The following EHMT1 variants were observed in gnomAD, a reference collection of about 807,000 sequenced individuals.
The protein encoded by EHMT1 is histone-lysine N-methyltransferase EHMT1.
EHMT1 carries 15 observed loss-of-function variants against 147.2 expected under a neutral mutation model. That is an observed-to-expected ratio of 0.10 (90% CI 0.07 to 0.16). The LOEUF (loss-of-function observed/expected upper bound fraction) is 0.16, where lower values mean the gene tolerates loss of function less well. Among genes scored for constraint, EHMT1 ranks in the 10% least tolerant of loss-of-function variants. The pLI, the probability that EHMT1 is intolerant of heterozygous loss-of-function variation, is 1.00. For missense variants in EHMT1, 1,587 were observed against 1,772.4 expected (o/e 0.90, Z 1.88); for synonymous variants, 795 against 709.6 (o/e 1.12, Z -1.91).
chr9:137,713,313 G>A (rs1351918145), intron 2 of EHMT1, among the ~76,000 whole-genome samples: 5 of 132,162 alleles, frequency 3.8e-5, no homozygotes, highest in Admixed American at 9.9e-5. Flanking sequence ...TCTGTCACCC[G>A]GGCTGGAGTG....
intron 16 of EHMT1, among the ~76,000 whole-genome samples, chr9:137,791,705 A>C (rs1042789933): frequency 1.3e-5 from 2 of 152,170 alleles, no homozygotes; most frequent in Non-Finnish European, 2.9e-5. Flanking sequence ...CAGCCTGTAG[A>C]GTCCATGGAG....
chr9:137,627,217 C>G (rs1247508032), intron 1 of EHMT1, among the ~76,000 whole-genome samples: 115 of 150,846 alleles, frequency 7.6e-4, no homozygotes, highest in Non-Finnish European at 3.7e-4. Context: ...CCTTGCCTCC[C>G]AAAGTGCTAG....
At position 137,813,018 on chromosome 9, in the gene EHMT1, T is replaced by A. The variant is rs1167671117; in HGVS notation, c.2880T>A (p.Ser960=). 2 of 1,614,114 alleles carry A rather than the reference T, an allele frequency of 1.2e-6. No homozygotes were observed. The highest frequency in any genetic ancestry group is 3.3e-5 in the Admixed American group (2 of 60,034). The change falls in exon 20 of 27, where the codon TCT becomes TCA. Residue 960 remains serine (S), a synonymous_variant. Coordinates refer to ENST00000460843, the MANE Select transcript of EHMT1 (RefSeq NM_024757.5). The surrounding 1 kb of genome is among the most constrained non-coding windows in gnomAD (Gnocchi z 4.9). ...NRYDCVVLFL[S]RDSDVTLKNK... The stretch of plus-strand genomic sequence containing the variant: ...TTTTCCCTTTTAGCCTCTTTCTTTC[T>A]CGGGATTCAGATGTCACCTTAAAGA...
intron 14 of EHMT1, among the ~76,000 whole-genome samples, chr9:137,781,195 C>CGCCGGGATGTGTGGTGAT (rs1951479543): frequency 9.2e-5 from 3 of 32,522 alleles, no homozygotes; most frequent in Non-Finnish European, 4.8e-5. Context: ...CGTGTGGTGA[C>CGCCGGGATGTGTGGTGAT]GACGCTGAGA....
intron 1 of EHMT1, among the ~76,000 whole-genome samples, chr9:137,635,495 A>T (rs192024136): frequency 6.7e-6 from 1 of 149,126 alleles, no homozygotes; most frequent in South Asian, 2.3e-4. Context: ...GATTACAGGC[A>T]TGAACCACTG....
intron 1 of EHMT1, among the ~76,000 whole-genome samples, chr9:137,621,456 G>C (rs1842935945): frequency 6.6e-6 from 1 of 152,162 alleles, no homozygotes; most frequent in Non-Finnish European, 1.5e-5. Context: ...TAGCAGTTTA[G>C]GAAGCCGAGG....
At chr9:137,642,207 T>C (rs569632751) in intron 1 of EHMT1, among the ~76,000 whole-genome samples, 261 of 152,318 alleles carry the variant, frequency 1.7e-3, no homozygotes, top group African/African-American at 5.7e-3. Context: ...TTTCATCTAA[T>C]GTAATTACTG....
chr9:137,620,458 C>T (rs1428238065), intron 1 of EHMT1, among the ~76,000 whole-genome samples: 1 of 152,164 alleles, frequency 6.6e-6, no homozygotes, highest in African/African-American at 2.4e-5. Context: ...CTTTGTCACT[C>T]AGGCTGGAAT....
chr9:137,823,746 C>T (rs1272636739), intron 25 of EHMT1, among the ~76,000 whole-genome samples: 2 of 151,962 alleles, frequency 1.3e-5, no homozygotes, highest in African/African-American at 4.8e-5. Flanking sequence ...TTAGTAGAGA[C>T]GAGGTTTCGC....
chr9:137,711,020 G>A lies in EHMT1; in HGVS notation c.75G>A (p.Leu25=). ...PQQDCCVKTE[L]LGEETPMAAD... ...AGGATTGCTGTGTGAAAACCGAGCT[G>A]CTGGGAGAAGGTGAGGGCGGTGTGC... The change falls in exon 2 of 27, where the codon CTG becomes CTA. Residue 25 remains leucine, a synonymous_variant. Transcript: ENST00000460843. 1.3e-6 allele frequency: 2 copies of A among 1,593,582 alleles called. No homozygotes were observed. Among genetic ancestry groups the A allele is most frequent in the South Asian group, 2.3e-5 (2 of 87,174 alleles).
intron 10 of EHMT1, among the ~76,000 whole-genome samples, chr9:137,765,371 C>G (rs943366751): frequency 3.3e-5 from 5 of 152,330 alleles, no homozygotes; most frequent in African/African-American, 1.2e-4. Context: ...TCTGTCCCCT[C>G]TCCACCTCCC....
In EHMT1 at chr9:137,821,318, CT is replaced by C. The variant is rs778919891; in HGVS notation, c.3540+3205del. 1.6e-4 allele frequency among the ~76,000 whole-genome samples: 10 copies of C among 63,982 alleles called. 1 individual carries two copies. Among genetic ancestry groups the C allele is most frequent in the Middle Eastern group, 0.018 (1 of 56 alleles). 42.0% of individuals were successfully genotyped at this position (63,982 alleles called of 152,430 possible). ...ACAGGCATGAGCCACTGCGCCCGGC[CT>C]TTTTTTTTTTTTTTTTTTTTTTTTA... On this transcript the variant is annotated intron_variant, in intron 25 of 26. Coordinates refer to ENST00000460843, the MANE Select transcript of EHMT1 (RefSeq NM_024757.5).
intron 4 of EHMT1, among the ~76,000 whole-genome samples, chr9:137,739,304 G>A (rs1947843060): frequency 6.6e-6 from 1 of 151,182 alleles, no homozygotes; most frequent in Non-Finnish European, 1.5e-5. Context: ...TGCAGTGAGC[G>A]GAGATCGCAC....
chr9:137,777,477 C>T, intron 12 of EHMT1: 1 of 243,542 alleles, frequency 4.1e-6, no homozygotes, highest in South Asian at 5.8e-5. Flanking sequence ...TTAAATGTGA[C>T]ACTAATATAA....
intron 13 of EHMT1, 67 bp downstream of exon 13, chr9:137,778,122 C>T: frequency 2.2e-5 from 35 of 1,592,966 alleles, no homozygotes; most frequent in Non-Finnish European, 3.0e-5. Flanking sequence ...CGCGTTTTTC[C>T]CCATGGTGTC....
chr9:137,713,473 AT>A (rs1944930408), intron 2 of EHMT1, among the ~76,000 whole-genome samples: 1 of 151,154 alleles, frequency 6.6e-6, no homozygotes, highest in Non-Finnish European at 1.5e-5. Context: ...GGGTTTCACC[AT>A]CTTAGCCAGG....
chr9:137,720,549 C>G (rs1031060470), intron 3 of EHMT1, among the ~76,000 whole-genome samples: 4 of 152,140 alleles, frequency 2.6e-5, no homozygotes, highest in African/African-American at 9.7e-5. Flanking sequence ...GTGATCTGCC[C>G]TCCTCGGCAT....
chr9:137,725,996 C>T (rs1946586214), intron 3 of EHMT1, among the ~76,000 whole-genome samples: 1 of 152,150 alleles, frequency 6.6e-6, no homozygotes, highest in African/African-American at 2.4e-5. Flanking sequence ...CACATGTTCA[C>T]CCATGTCATG....
At chr9:137,779,591 G>A in intron 13 of EHMT1, 44 bp from the exon 14 acceptor site, 1 of 1,607,616 alleles carries the variant, frequency 6.2e-7, no homozygotes, top group Non-Finnish European at 8.5e-7. Flanking sequence ...TTCATGTGTG[G>A]GATGCAGAGC....
Sources: allele counts gnomAD v4.1 joint callset (sites outside exome capture counted in the v4.1 genomes callset), GRCh38; gene constraint gnomAD v4.1.1; non-coding constraint Gnocchi (gnomAD v3.1); transcripts MANE v1.5; gene names NCBI Gene and HGNC (gene_info 2026-07-23, HGNC 2026-07-21).